Variants in ULK4 observed in about 807,000 individuals in gnomAD.
ULK4 encodes the protein inactive serine/threonine-protein kinase ULK4.
ULK4 carries 133 observed loss-of-function variants against 160.6 expected under a neutral mutation model. The observed-to-expected ratio is 0.83, with a 90% confidence interval of 0.72 to 0.96. The LOEUF (loss-of-function observed/expected upper bound fraction) is 0.96. ULK4 is among the 40% of genes least tolerant of loss of function. The probability of loss-of-function intolerance (pLI) is 0.00; values close to 1 mark genes in which losing one functional copy is unlikely to be tolerated. For missense variants in ULK4, 1,580 were observed against 1,499.5 expected, an observed-to-expected ratio of 1.05 and a Z score of -0.89; for synonymous variants, 534 against 539.8, an observed-to-expected ratio of 0.99 and a Z score of 0.15.
At chr3:41,506,764 T>TAAAAAAAAAAAA (rs200785051) in intron 32 of ULK4, among the ~76,000 whole-genome samples, 342 of 19,900 alleles carry the variant, frequency 0.017, 38 homozygotes, top group African/African-American at 0.048. Flanking sequence ...GAGTGTGATT[T>TAAAAAAAAAAAA]AAAATATATA....
In ULK4 at chr3:41,901,093, G is replaced by A. The variant is rs1698334873; in HGVS notation, c.1183-264C>T. 4.6e-5 allele frequency among the ~76,000 whole-genome samples: 7 copies of A among 151,184 alleles called. 2 individuals are homozygous for A. The South Asian group carries it at 1.5e-3, about 32-fold the overall frequency. Reference sequence around the variant, plus strand: ...CTCATGTTACCACTAAGTCTGGCTAGGACTAGAAAAAATATCTTTACAATT... The same window carrying A: ...CTCATGTTACCACTAAGTCTGGCTAAGACTAGAAAAAATATCTTTACAATT... On this transcript the variant is annotated intron_variant, in intron 12 of 36. Coordinates refer to ENST00000301831, the MANE Select transcript of ULK4 (RefSeq NM_017886.4).
chr3:41,343,399 G>T (rs1259587294), intron 35 of ULK4, among the ~76,000 whole-genome samples: 1 of 149,404 alleles, frequency 6.7e-6, no homozygotes, highest in Non-Finnish European at 1.5e-5. Flanking sequence ...CTGCCTCCCG[G>T]GTTCCAGTGA....
chr3:41,388,323 T>G (rs564414714), intron 35 of ULK4, among the ~76,000 whole-genome samples: 7 of 151,952 alleles, frequency 4.6e-5, no homozygotes, highest in Non-Finnish European at 7.4e-5. Context: ...ATTTTGTAGG[T>G]TGCCTGTTCA....
At chr3:41,411,870 T>C (rs1202483590) in intron 34 of ULK4, among the ~76,000 whole-genome samples, 3 of 152,116 alleles carry the variant, frequency 2.0e-5, no homozygotes, top group African/African-American at 4.8e-5. Flanking sequence ...GGAGACTGAA[T>C]GCTTTCCCCT....
At chr3:41,953,460 G>A (rs963555047) in intron 2 of ULK4, among the ~76,000 whole-genome samples, 13 of 151,464 alleles carry the variant, frequency 8.6e-5, no homozygotes, top group African/African-American at 2.7e-4. Flanking sequence ...GCACTACCAC[G>A]CCCAGCTAAT....
At chr3:41,363,282 C>A (rs1275826091) in intron 35 of ULK4, among the ~76,000 whole-genome samples, 1 of 152,188 alleles carries the variant, frequency 6.6e-6, no homozygotes, top group Non-Finnish European at 1.5e-5. Context: ...AGGGAAGGGT[C>A]AAGACTTTGA....
At position 41,845,710 on chromosome 3, in the gene ULK4, C is replaced by T. The variant is rs1205961234; in HGVS notation, c.1657-9739G>A. Among the ~76,000 whole-genome samples, 8 of 152,206 alleles carry T rather than the reference C, an allele frequency of 5.3e-5. No homozygotes were observed. In the South Asian group the frequency reaches 1.7e-3, roughly 32 times the overall value. The stretch of plus-strand genomic sequence containing the variant: ...TATACACAGGATCTCTCTATTATTT[C>T]TTACAGAGAGAAACTATTATTATTC... On this transcript the variant is annotated intron_variant, in intron 17 of 36. Coordinates refer to ENST00000301831, the MANE Select transcript of ULK4 (RefSeq NM_017886.4).
intron 35 of ULK4, among the ~76,000 whole-genome samples, chr3:41,261,851 G>C (rs2078950673): frequency 6.6e-6 from 1 of 152,214 alleles, no homozygotes; most frequent in Non-Finnish European, 1.5e-5. Flanking sequence ...CAAAGGCTTT[G>C]CACATCTCTC....
intron 7 of ULK4, among the ~76,000 whole-genome samples, chr3:41,916,835 G>A (rs1698985226): frequency 6.6e-6 from 1 of 150,656 alleles, no homozygotes; most frequent in Non-Finnish European, 1.5e-5. Flanking sequence ...AGCCTCCCAA[G>A]TAGCTCGGAT....
intron 16 of ULK4, among the ~76,000 whole-genome samples, chr3:41,890,105 G>C (rs1404786875): frequency 3.9e-5 from 6 of 152,194 alleles, no homozygotes; most frequent in African/African-American, 7.2e-5. Flanking sequence ...GAGAAGAATG[G>C]GTACTGGGTT....
intron 34 of ULK4, among the ~76,000 whole-genome samples, chr3:41,444,783 A>G (rs1256476): frequency 1 from 152,224 of 152,262 alleles, 76,093 homozygotes; most frequent in Middle Eastern, 1. Context: ...TTTGAGATCA[A>G]CCTGGCCAGT....
At chr3:41,274,206 A>AT (rs1196017663) in intron 35 of ULK4, among the ~76,000 whole-genome samples, 3 of 151,538 alleles carry the variant, frequency 2.0e-5, no homozygotes, top group East Asian at 1.9e-4. Flanking sequence ...TGTTTTCTGT[A>AT]TTTTTTTTCC....
intron 34 of ULK4, among the ~76,000 whole-genome samples, chr3:41,425,172 T>C (rs957397309): frequency 5.3e-5 from 8 of 151,560 alleles, no homozygotes; most frequent in African/African-American, 1.2e-4. Flanking sequence ...AATAACCAAA[T>C]AGACCAAGCA....
intron 21 of ULK4, among the ~76,000 whole-genome samples, chr3:41,774,019 A>T (rs1299303173): frequency 6.6e-6 from 1 of 152,184 alleles, no homozygotes; most frequent in Admixed American, 6.5e-5. Context: ...GGCTAGCCAT[A>T]TGTAGAAAGC....
At chr3:41,517,212 G>A (rs2085779711) in intron 32 of ULK4, among the ~76,000 whole-genome samples, 1 of 101,162 alleles carries the variant, frequency 9.9e-6, no homozygotes, top group Non-Finnish European at 2.2e-5. Context: ...CCAACACACT[G>A]ATAATATCAA....
At chr3:41,547,707 G>C (rs1360161746) in intron 32 of ULK4, among the ~76,000 whole-genome samples, 1 of 152,164 alleles carries the variant, frequency 6.6e-6, no homozygotes, top group African/African-American at 2.4e-5. Flanking sequence ...TCTGCCCTGA[G>C]GCCCAATAGC....
rs577677270 is a variant in ULK4, at chr3:41,488,997, C to T, written c.3227-25744G>A. On this transcript the variant is annotated intron_variant, in intron 32 of 36. Coordinates refer to ENST00000301831, the MANE Select transcript of ULK4 (RefSeq NM_017886.4). Reference sequence around the variant, plus strand: ...GAGCCCCTCTTGGTGAGCACCCCTCCCACTGAGGCTCTATCTCAGCCCCCT... The same window carrying T: ...GAGCCCCTCTTGGTGAGCACCCCTCTCACTGAGGCTCTATCTCAGCCCCCT... Among the ~76,000 whole-genome samples the T allele has an allele frequency of 3.9e-5, 6 of 152,268 alleles. No individual in the cohort carries two copies. The South Asian group carries it at 1.2e-3, about 32-fold the overall frequency.
intron 30 of ULK4, among the ~76,000 whole-genome samples, chr3:41,635,664 C>T (rs1438181696): frequency 6.6e-6 from 1 of 152,128 alleles, no homozygotes; most frequent in Non-Finnish European, 1.5e-5. Context: ...GACATCCATG[C>T]TTCAATTAAT....
In ULK4 at chr3:41,428,140, C is replaced by T. The variant is rs562755828; in HGVS notation, c.3492+27357G>A. Among the ~76,000 whole-genome samples, 50 of 146,828 alleles carry T rather than the reference C, an allele frequency of 3.4e-4. 1 individual carries two copies. Among genetic ancestry groups the T allele is most frequent in the African/African-American group, 1.2e-3 (50 of 40,014 alleles). On this transcript the variant is annotated intron_variant, in intron 34 of 36. Transcript: ENST00000301831. The stretch of plus-strand genomic sequence containing the variant: ...ACACCAACAACAGGCAAGTAGACAA[C>T]CAAATCATAATGAACTCTCATTCAC...
Sources: allele counts gnomAD v4.1 joint callset (sites outside exome capture counted in the v4.1 genomes callset), GRCh38; gene constraint gnomAD v4.1.1; transcripts MANE v1.5; gene names NCBI Gene and HGNC (gene_info 2026-07-23, HGNC 2026-07-21).